The following RGS3 variants were observed in gnomAD, a reference collection of about 807,000 sequenced individuals.
The protein encoded by RGS3 is regulator of G-protein signalling 3.
A neutral mutation model predicts 132.6 loss-of-function variants in RGS3; 80 were observed. The observed-to-expected ratio is 0.60, with a 90% CI of 0.50 to 0.73. RGS3 has a LOEUF of 0.73. Ranked by LOEUF, RGS3 falls within the 30% of genes least tolerant of loss-of-function variation. RGS3 has a pLI of 0.00. For synonymous variants in RGS3, 598 were observed against 620.6 expected, an observed-to-expected ratio of 0.96 and a Z score of 0.54; for missense variants, 1,382 against 1,530.8, an observed-to-expected ratio of 0.90 and a Z score of 1.62.
chr9:113,483,238 C>A, intron 5 of RGS3, 121 bp downstream of exon 3: 1 of 699,120 alleles, frequency 1.4e-6, no homozygotes, highest in Non-Finnish European at 2.5e-6. Flanking sequence ...TGCCATCTCA[C>A]TCATCTTCTC....
intron 19 of RGS3, among the ~76,000 whole-genome samples, chr9:113,578,861 TC>T (rs968347633): frequency 3.3e-5 from 5 of 152,198 alleles, no homozygotes; most frequent in African/African-American, 9.6e-5. Flanking sequence ...TCTCACTTGG[TC>T]CCCTTAGGTC....
At chr9:113,586,242 C>T (rs1456802207) in intron 20 of RGS3, among the ~76,000 whole-genome samples, 4 of 152,202 alleles carry the variant, frequency 2.6e-5, no homozygotes, top group Non-Finnish European at 4.4e-5. Context: ...CTTTGGAGGG[C>T]GGTTGAGGCC....
rs113545990 is a variant in RGS3, at chr9:113,526,277, T to A, written c.1871-2944T>A. On this transcript the variant is annotated intron_variant, in intron 17 of 24. Coordinates refer to ENST00000350696, the Ensembl canonical transcript of RGS3. ...GTTGCTTTGGTCTCAGCTGCTGGAA[T>A]GTTTGGAGTTAACTCTTGGTTAGTC... Among the ~76,000 whole-genome samples the A allele has an allele frequency of 5.0e-3, 759 of 152,302 alleles. 3 individuals carry two copies. Among genetic ancestry groups the A allele is most frequent in the Non-Finnish European group, 8.9e-3 (606 of 68,032 alleles).
exon 9 of RGS3, chr9:113,497,323 G>T: frequency 6.2e-7 from 1 of 1,612,600 alleles, no homozygotes; most frequent in Non-Finnish European, 8.5e-7. Context: ...GGAGATCAGT[G>T]GTTGGTACTA....
chr9:113,584,444 G>A lies in RGS3; in HGVS notation c.3015+17G>A, dbSNP rs753236072. The stretch of plus-strand genomic sequence containing the variant: ...CACAGGAAGGTGAGAAAGCTAAAGG[G>A]GGAGGGAGAAGGATACATGCAATGT... On this transcript the variant is annotated intron_variant, in intron 20 of 24. Coordinates refer to ENST00000350696, the Ensembl canonical transcript of RGS3. 1.3e-6 allele frequency: 2 copies of A among 1,502,998 alleles called. No homozygotes were observed. Among genetic ancestry groups the A allele is most frequent in the Admixed American group, 4.5e-5 (2 of 44,864 alleles). The allele number at this position is 1,502,998 out of a possible 1,614,324, so 93.1% of individuals were successfully genotyped here.
At chr9:113,483,775 G>A (rs111969752) in intron 5 of RGS3, among the ~76,000 whole-genome samples, 6,002 of 152,260 alleles carry the variant, frequency 0.039, 164 homozygotes, top group South Asian at 0.1. Flanking sequence ...TGGAGCCTTC[G>A]TGAAGGGAGC....
chr9:113,557,700 A>T (rs1457349264), intron 19 of RGS3, among the ~76,000 whole-genome samples: 1 of 152,194 alleles, frequency 6.6e-6, no homozygotes, highest in African/African-American at 2.4e-5. Context: ...CCAATCATGA[A>T]CAGCATATGA....
chr9:113,536,349 A>T, intron 18 of RGS3: 1 of 368,382 alleles, frequency 2.7e-6, no homozygotes, highest in Non-Finnish European at 3.8e-6. Context: ...TTGGGATCAG[A>T]GAAGAGCGCT....
At chr9:113,584,074 G>A (rs1162787829) in exon 20 of RGS3, 11 of 1,614,236 alleles carry the variant, frequency 6.8e-6, no homozygotes, top group Non-Finnish European at 2.5e-6. Flanking sequence ...GGCCGAGGAG[G>A]TGGAGGAGGG....
chr9:113,594,989 GGCCT>G lies in RGS3; in HGVS notation c.3244+17_3244+20del. 6.2e-7 allele frequency: 1 copy of G among 1,613,886 alleles called. No homozygotes were observed. The highest frequency in any genetic ancestry group is 8.5e-7 in the Non-Finnish European group (1 of 1,179,806). On this transcript the variant is annotated intron_variant, in intron 23 of 24. Transcript: ENST00000350696. Reference sequence around the variant, plus strand: ...GCTGCTGGTTCACAAATGTAAGTTGGGCCTGCCTGCCCACTCCCTGTGCCCTCTC... The same window carrying G: ...GCTGCTGGTTCACAAATGTAAGTTGGGCCTGCCCACTCCCTGTGCCCTCTC...
chr9:113,541,912 A>G (rs1244229573), intron 19 of RGS3: 2 of 965,642 alleles, frequency 2.1e-6, no homozygotes, highest in Non-Finnish European at 1.2e-6. Flanking sequence ...GCCAGGCTCT[A>G]TGCTAGGAGC....
chr9:113,507,703 G>A lies in RGS3; in HGVS notation c.1437+65G>A. 7.5e-7 allele frequency: 1 copy of A among 1,333,244 alleles called. No homozygotes were observed. Among genetic ancestry groups the A allele is most frequent in the Non-Finnish European group, 1.0e-6 (1 of 1,002,404 alleles). The allele number at this position is 1,333,244 out of a possible 1,614,324, so 82.6% of individuals were successfully genotyped here. A position where few individuals can be genotyped will look rare whatever the true frequency, so the allele number is the denominator to read the frequency against. On this transcript the variant is annotated intron_variant, in intron 13 of 24. Coordinates refer to ENST00000350696, the Ensembl canonical transcript of RGS3. The surrounding 1 kb of genome is among the most constrained non-coding windows in gnomAD (Gnocchi z 5.0). ...TCCCTGTGGGAGGCCAGGAAGACTT[G>A]AAGACCCAAAGTTGTGTGATGAGCA...
chr9:113,461,660 T>C, intron 1 of RGS3: 2 of 1,578,190 alleles, frequency 1.3e-6, no homozygotes, highest in Non-Finnish European at 1.7e-6. Flanking sequence ...TTGTTCCCAT[T>C]ACCGGGTGTA....
intron 21 of RGS3, chr9:113,593,755 A>C (rs1368382155): frequency 4.5e-6 from 3 of 663,304 alleles, no homozygotes; most frequent in Non-Finnish European, 7.9e-6. Context: ...CCCAGTGCTG[A>C]ATTCTGCTGC....
intron 3 of RGS3, among the ~76,000 whole-genome samples, chr9:113,475,899 A>G (rs756849654): frequency 1.4e-4 from 21 of 151,792 alleles, no homozygotes; most frequent in Non-Finnish European, 2.1e-4. Context: ...GATTGGAGAC[A>G]TTTCTAGGAG....
chr9:113,457,205 G>A (rs977324242), upstream of RGS3, among the ~76,000 whole-genome samples: 16 of 151,996 alleles, frequency 1.1e-4, no homozygotes, highest in East Asian at 3.8e-4. Context: ...AACGTACAAC[G>A]CCCCCTCTCA....
At chr9:113,569,584 TC>T (rs879856644) in intron 19 of RGS3, among the ~76,000 whole-genome samples, 7,267 of 121,892 alleles carry the variant, frequency 0.06, 267 homozygotes, top group Non-Finnish European at 0.063. Context: ...CTTCTTTCCT[TC>T]CTTCCTTCCT....
chr9:113,513,138 G>A (rs978797832), intron 14 of RGS3, among the ~76,000 whole-genome samples: 9 of 152,204 alleles, frequency 5.9e-5, no homozygotes, highest in South Asian at 2.1e-4. Flanking sequence ...GGGGGTTGTG[G>A]TGAGCCGAGA....
intron 19 of RGS3, among the ~76,000 whole-genome samples, chr9:113,574,410 G>A: frequency 6.6e-6 from 1 of 152,164 alleles, no homozygotes; most frequent in East Asian, 1.9e-4. Flanking sequence ...TCCTAGCATG[G>A]TAGCAGGTGG....
Sources: allele counts gnomAD v4.1 joint callset (sites outside exome capture counted in the v4.1 genomes callset), GRCh38; gene constraint gnomAD v4.1.1; non-coding constraint Gnocchi (gnomAD v3.1); transcripts MANE v1.5; gene names NCBI Gene and HGNC (gene_info 2026-07-23, HGNC 2026-07-21).